The following IL19 variants were observed in gnomAD, a reference collection of about 807,000 sequenced individuals.
The protein encoded by IL19 is interleukin 19, also known as interleukin-19.
IL19 carries 15 observed loss-of-function variants against 19.5 expected under a neutral mutation model. That is an observed-to-expected ratio of 0.77 (90% confidence interval 0.52 to 1.19). The LOEUF (loss-of-function observed/expected upper bound fraction) is 1.19. Ranked by LOEUF, IL19 falls within the 50% of genes most tolerant of loss-of-function variation. The pLI, the probability that IL19 is intolerant of heterozygous loss-of-function variation, is 0.00. For synonymous variants in IL19, 78 were observed against 78.3 expected, an observed-to-expected ratio of 1.00 and a Z score of 0.02; for missense variants, 199 against 213.1, an observed-to-expected ratio of 0.93 and a Z score of 0.41.
At chr1:206,813,937 G>T (rs1449891763) in intron 2 of IL19, among the ~76,000 whole-genome samples, 4 of 152,184 alleles carry the variant, frequency 2.6e-5, no homozygotes, top group Non-Finnish European at 5.9e-5. Context: ...CTGCAAATTA[G>T]CTCTTGCGTG....
intron 2 of IL19, among the ~76,000 whole-genome samples, chr1:206,808,498 T>C (rs994832719): frequency 4.2e-5 from 5 of 120,206 alleles, no homozygotes; most frequent in Admixed American, 1.7e-4. Flanking sequence ...ATTGTGTGTG[T>C]GCGTGTGTGT....
chr1:206,785,519 G>C (rs185801191), intron 1 of IL19, among the ~76,000 whole-genome samples: 3 of 152,190 alleles, frequency 2.0e-5, no homozygotes, highest in Non-Finnish European at 2.9e-5. Flanking sequence ...TGGGACAGGT[G>C]GGGAGGAGAG....
chr1:206,789,907 T>C (rs1675354701), intron 1 of IL19, among the ~76,000 whole-genome samples: 1 of 152,258 alleles, frequency 6.6e-6, no homozygotes, highest in African/African-American at 2.4e-5. Flanking sequence ...GGATATGATC[T>C]CATTCTTTTT....
intron 2 of IL19, among the ~76,000 whole-genome samples, chr1:206,818,835 C>T (rs1362196669): frequency 4.6e-5 from 6 of 129,290 alleles, no homozygotes; most frequent in African/African-American, 1.8e-4. Context: ...TTTTTTGAGG[C>T]AGAGTCTAGT....
At chr1:206,797,125 C>T (rs4845140) in intron 1 of IL19, among the ~76,000 whole-genome samples, 7,066 of 152,184 alleles carry the variant, frequency 0.046, 200 homozygotes, top group African/African-American at 0.067. Flanking sequence ...GACTTTGCTG[C>T]GGGACAGGAT....
intron 1 of IL19, among the ~76,000 whole-genome samples, chr1:206,791,281 T>A (rs2102454459): frequency 6.6e-6 from 1 of 150,508 alleles, no homozygotes; most frequent in East Asian, 2.0e-4. Flanking sequence ...TGCTGCTGGG[T>A]ATGACCAGGA....
intron 5 of IL19, chr1:206,840,723 G>A (rs1676985110): frequency 2.4e-6 from 1 of 409,432 alleles, no homozygotes; most frequent in Non-Finnish European, 4.4e-6. Context: ...TACCCTGTGG[G>A]ATGCAGCACT....
At chr1:206,780,433 T>C (rs1675102583) in intron 1 of IL19, among the ~76,000 whole-genome samples, 2 of 152,236 alleles carry the variant, frequency 1.3e-5, no homozygotes, top group Non-Finnish European at 2.9e-5. Context: ...TTCCATCTCT[T>C]ATAAAGTAGA....
intron 5 of IL19, among the ~76,000 whole-genome samples, 195 bp from the exon 6 acceptor site, chr1:206,840,809 A>G (rs1182594864): frequency 7.2e-5 from 11 of 152,168 alleles, no homozygotes. Flanking sequence ...TGCAGAAAAA[A>G]CAAAAGGCGT....
chr1:206,791,332 C>T (rs912119554), intron 1 of IL19, among the ~76,000 whole-genome samples: 8 of 141,538 alleles, frequency 5.7e-5, no homozygotes, highest in African/African-American at 1.8e-4. Context: ...GATGGAGTTT[C>T]GGTCTTGTTG....
At chr1:206,819,500 C>T (rs1676241931) in intron 2 of IL19, among the ~76,000 whole-genome samples, 1 of 151,662 alleles carries the variant, frequency 6.6e-6, no homozygotes, top group Admixed American at 6.6e-5. Flanking sequence ...AGAAGAATCC[C>T]TTGAACCTGG....
intron 2 of IL19, among the ~76,000 whole-genome samples, chr1:206,822,126 G>T (rs1228941662): frequency 6.6e-6 from 1 of 152,162 alleles, no homozygotes; most frequent in Non-Finnish European, 1.5e-5. Flanking sequence ...AAATTATTCT[G>T]GGCAAGGGGG....
Position 206,842,864 on chromosome 1 carries a change from C to T in IL19, c.*242C>T. ...ATCCTGGGAGTAAAGGGCTGCCTTCCCATCTAATTTATTGTAAAGTCATAT... is the reference window on the plus strand; with the variant it reads ...ATCCTGGGAGTAAAGGGCTGCCTTCTCATCTAATTTATTGTAAAGTCATAT... On this transcript the variant is annotated 3_prime_UTR_variant, in exon 7 of 7. Transcript: ENST00000659997. 2.4e-6 allele frequency: 1 copy of T among 422,328 alleles called. No individual in the cohort carries two copies. The highest frequency in any genetic ancestry group is 3.9e-5 in the East Asian group (1 of 25,468). 26.2% of individuals were successfully genotyped at this position (422,328 alleles called of 1,614,324 possible).
At chr1:206,788,968 C>A (rs542600168) in intron 1 of IL19, among the ~76,000 whole-genome samples, 1 of 152,320 alleles carries the variant, frequency 6.6e-6, no homozygotes, top group Admixed American at 6.5e-5. Context: ...TGGGTCTGGT[C>A]AGTTTTACCA....
chr1:206,842,261 G>GA (rs1203366375), intron 6 of IL19, among the ~76,000 whole-genome samples: 2 of 149,834 alleles, frequency 1.3e-5, no homozygotes, highest in Non-Finnish European at 3.0e-5. Context: ...AAAAACAGAG[G>GA]AAAAAAAAAC....
At chr1:206,842,334 CTTGT>C (rs1558625294) in intron 6 of IL19, among the ~76,000 whole-genome samples, 189 bp from the exon 7 acceptor site, 1 of 152,074 alleles carries the variant, frequency 6.6e-6, no homozygotes, top group African/African-American at 2.4e-5. Context: ...AATTTAACTA[CTTGT>C]TTGTGGGGAA....
At chr1:206,811,246 C>T (rs1675999614) in intron 2 of IL19, among the ~76,000 whole-genome samples, 1 of 151,772 alleles carries the variant, frequency 6.6e-6, no homozygotes, top group African/African-American at 2.4e-5. Context: ...GTCATCTGAA[C>T]TATATAAAAA....
intron 1 of IL19, among the ~76,000 whole-genome samples, chr1:206,789,676 A>G (rs777862912): frequency 6.6e-6 from 1 of 152,044 alleles, no homozygotes; most frequent in South Asian, 2.1e-4. Flanking sequence ...CTTACTAATA[A>G]CTAATGGGTA....
Position 206,790,111 on chromosome 1 carries a change from A to G in IL19, c.-148-8750A>G, listed in dbSNP as rs571772310. Among the ~76,000 whole-genome samples the G allele has an allele frequency of 2.0e-4, 30 of 152,294 alleles. No individual in the cohort carries two copies. The East Asian group carries it at 3.7e-3, about 19-fold the overall frequency. ...GCTTTTAGTTTTTTGAAAAATCTCC[A>G]TACTCTTTTCCATAAAGGTTGTACT... On this transcript the variant is annotated intron_variant, in intron 1 of 6. Coordinates refer to ENST00000659997, the MANE Select transcript of IL19 (RefSeq NM_153758.5).
Sources: allele counts gnomAD v4.1 joint callset (sites outside exome capture counted in the v4.1 genomes callset), GRCh38; gene constraint gnomAD v4.1.1; transcripts MANE v1.5; gene names NCBI Gene and HGNC (gene_info 2026-07-23, HGNC 2026-07-21).